MSH4: variants seen among roughly 807,000 people sequenced by gnomAD.
MSH4 encodes the protein mutS homolog 4, also known as mutS protein homolog 4.
A neutral mutation model predicts 113.7 loss-of-function variants in MSH4; 106 were observed. The ratio of observed to expected loss-of-function variants is 0.93; its 90% CI spans 0.80 to 1.10. The LOEUF (loss-of-function observed/expected upper bound fraction) is 1.10. MSH4 is among the 50% of genes least tolerant of loss of function. MSH4 has a pLI of 0.00. For synonymous variants in MSH4, 368 were observed against 380.2 expected (o/e 0.97, Z 0.37); for missense variants, 1,061 against 1,093.7 (o/e 0.97, Z 0.42).
At chr1:75,854,681 A>G (rs1651278238) in intron 8 of MSH4, among the ~76,000 whole-genome samples, 1 of 152,124 alleles carries the variant, frequency 6.6e-6, no homozygotes, top group South Asian at 2.1e-4. Flanking sequence ...TGTTCATATT[A>G]AAATGATTTT....
chr1:75,862,102 G>A (rs1048756745), intron 8 of MSH4, among the ~76,000 whole-genome samples: 5 of 152,302 alleles, frequency 3.3e-5, no homozygotes, highest in Non-Finnish European at 7.4e-5. Context: ...AGCCAGGCAC[G>A]GAAGGGGATC....
At chr1:75,901,175 TTCTTA>T (rs1652497885) in intron 19 of MSH4, among the ~76,000 whole-genome samples, 1 of 152,162 alleles carries the variant, frequency 6.6e-6, no homozygotes, top group African/African-American at 2.4e-5. Context: ...AACATTGCAA[TTCTTA>T]TCTTCTAGCT....
chr1:75,835,630 T>C (rs1304657495), intron 7 of MSH4, among the ~76,000 whole-genome samples: 2 of 152,146 alleles, frequency 1.3e-5, no homozygotes, highest in Non-Finnish European at 1.5e-5. Flanking sequence ...ATCTCCTGTA[T>C]CTTCATTATT....
chr1:75,901,548 C>T (rs1311644740), intron 19 of MSH4, among the ~76,000 whole-genome samples: 1 of 152,072 alleles, frequency 6.6e-6, no homozygotes, highest in Non-Finnish European at 1.5e-5. Flanking sequence ...TTTTCTTTAT[C>T]CATTCATCTG....
chr1:75,863,585 T>C (rs1485485554), intron 8 of MSH4, among the ~76,000 whole-genome samples: 1 of 152,186 alleles, frequency 6.6e-6, no homozygotes, highest in Non-Finnish European at 1.5e-5. Context: ...TCCAAACCCA[T>C]TCCAAACAAA....
rs1225167860 is a variant in MSH4 at position 75,886,383 on chromosome 1, ATGG to A, written c.2107+2564_2107+2566del. On this transcript the variant is annotated intron_variant, in intron 15 of 19. Transcript: ENST00000263187. ...ATATATGATGTATTATATATTATATATGGTATATATGATGTATTATATATTATA... is the reference window on the plus strand; with the variant it reads ...ATATATGATGTATTATATATTATATATATATATGATGTATTATATATTATA... 5.3e-3 allele frequency among the ~76,000 whole-genome samples: 613 copies of A among 115,436 alleles called. 129 individuals are homozygous for A. The highest frequency in any genetic ancestry group is 0.02 in the African/African-American group (583 of 28,458). The allele number at this position is 115,436 out of a possible 152,430, so 75.7% of individuals were successfully genotyped here.
intron 1 of MSH4, among the ~76,000 whole-genome samples, chr1:75,803,093 G>C (rs1389208224): frequency 1.3e-5 from 2 of 152,026 alleles, no homozygotes; most frequent in Non-Finnish European, 2.9e-5. Context: ...CACTTCACTG[G>C]GGATTAAATT....
chr1:75,803,582 G>A (rs1053743184), intron 1 of MSH4, 149 bp from the exon 2 acceptor site: 19 of 510,570 alleles, frequency 3.7e-5, no homozygotes, highest in African/African-American at 3.0e-4. Flanking sequence ...ATGCCACTAC[G>A]CTCCAGCCTG....
intron 8 of MSH4, among the ~76,000 whole-genome samples, chr1:75,854,007 G>GTATATATATATA (rs150197709): frequency 3.2e-4 from 16 of 50,408 alleles, no homozygotes; most frequent in African/African-American, 6.9e-4. Context: ...GCATAAGTGT[G>GTATATATATATA]TGTGTGTATA....
rs750100005 is a variant in MSH4 at position 75,807,094 on chromosome 1, C to A, written c.541C>A (p.Pro181Thr). ...AATGGCAAGTATTGATTTAAAAAAC[C>A]CCCAAATTATACTATCCCAGTTTGC... ...IGMASIDLKNPQIILSQFADN... is the reference protein window; with the variant it reads ...IGMASIDLKNTQIILSQFADN... Residue 181 changes from proline (P) to threonine (T), a missense_variant, in exon 3 of 20, where the codon CCC becomes ACC. Pro to Thr is a conservative substitution (Grantham distance 38). Coordinates refer to ENST00000263187, the MANE Select transcript of MSH4 (RefSeq NM_002440.4). The A allele has an allele frequency of 1.3e-6, 2 of 1,582,924 alleles. No individual in the cohort carries two copies. The highest frequency in any genetic ancestry group is 2.0e-5 in the Admixed American group (1 of 50,864).
At chr1:75,891,860 G>A (rs891113921) in intron 17 of MSH4, among the ~76,000 whole-genome samples, 6 of 152,194 alleles carry the variant, frequency 3.9e-5, no homozygotes, top group African/African-American at 1.4e-4. Flanking sequence ...AATTTTGAAT[G>A]TGTCAGTTTC....
chr1:75,836,607 A>G (rs1237202128), intron 7 of MSH4, among the ~76,000 whole-genome samples: 2 of 152,144 alleles, frequency 1.3e-5, no homozygotes, highest in African/African-American at 2.4e-5. Flanking sequence ...CAACAGGCAT[A>G]TTGTTAAATG....
At chr1:75,886,728 T>A (rs1385274408) in intron 15 of MSH4, among the ~76,000 whole-genome samples, 1 of 137,560 alleles carries the variant, frequency 7.3e-6, no homozygotes, top group Non-Finnish European at 1.5e-5. Context: ...ATGTATACAT[T>A]ATATATAAAT....
At chr1:75,870,100 T>C (rs540717678) in intron 9 of MSH4, among the ~76,000 whole-genome samples, 85 of 152,336 alleles carry the variant, frequency 5.6e-4, no homozygotes, top group African/African-American at 2.0e-3. Flanking sequence ...ATGTGAGACA[T>C]GGAGTCGAAG....
At chr1:75,893,888 T>G (rs1247666914) in intron 17 of MSH4, among the ~76,000 whole-genome samples, 1 of 152,010 alleles carries the variant, frequency 6.6e-6, no homozygotes, top group Non-Finnish European at 1.5e-5. Flanking sequence ...TCTAACAGTT[T>G]GATTGACTGG....
intron 14 of MSH4, among the ~76,000 whole-genome samples, chr1:75,882,087 A>T (rs1244635548): frequency 6.6e-6 from 1 of 151,912 alleles, no homozygotes; most frequent in Non-Finnish European, 1.5e-5. Flanking sequence ...GTATCTTAAG[A>T]TTTTTTCATA....
chr1:75,806,020 A>G (rs1458516843), intron 2 of MSH4, among the ~76,000 whole-genome samples: 1 of 151,974 alleles, frequency 6.6e-6, no homozygotes, highest in Non-Finnish European at 1.5e-5. Context: ...ACAGTTGTAA[A>G]ATACTACCTG....
chr1:75,856,837 G>T (rs1291496805), intron 8 of MSH4, among the ~76,000 whole-genome samples: 1 of 152,170 alleles, frequency 6.6e-6, no homozygotes. Context: ...GGTATTTCCA[G>T]TTCTAGATCC....
Position 75,807,122 on chromosome 1 carries a change from A to T in MSH4, c.569A>T (p.Asp190Val). ...CAAATTATACTATCCCAGTTTGCAG[A>T]CAACACAACATATGCAAAGGTAAGT... ...NPQIILSQFA[D>V]NTTYAKVITK... is the part of the protein sequence containing the mutation. The change falls in exon 3 of 20, where the codon GAC (aspartate) becomes GTC (valine). Residue 190 changes from aspartate to valine, a missense_variant. Physicochemically the swap from Asp to Val is radical, Grantham distance 152. Coordinates refer to ENST00000263187, the MANE Select transcript of MSH4 (RefSeq NM_002440.4). 6.4e-7 allele frequency: 1 copy of T among 1,566,764 alleles called. No homozygotes were observed. Among genetic ancestry groups the T allele is most frequent in the Non-Finnish European group, 8.6e-7 (1 of 1,165,890 alleles).
Sources: gnomAD v4.1 joint callset for allele counts (sites outside exome capture counted in the v4.1 genomes callset) on GRCh38, gnomAD v4.1.1 for gene constraint, MANE v1.5 for transcripts, NCBI Gene and HGNC (gene_info 2026-07-23, HGNC 2026-07-21) for gene names.